CLYBL: variants seen among roughly 807,000 people sequenced by gnomAD.
The protein encoded by CLYBL is citramalyl-CoA lyase, also known as citramalyl-CoA lyase, mitochondrial.
In CLYBL, 31 loss-of-function variants were observed where a neutral mutation model predicts 38.9. That is an observed-to-expected ratio of 0.80 (90% CI 0.60 to 1.08). The LOEUF is 1.08. Ranked by LOEUF, CLYBL falls within the 50% of genes least tolerant of loss-of-function variation. The pLI, the probability that CLYBL is intolerant of heterozygous loss-of-function variation, is 0.00. For missense variants in CLYBL, 434 were observed against 411.6 expected (o/e 1.05, Z -0.47); for synonymous variants, 171 against 158.6 (o/e 1.08, Z -0.59).
At chr13:99,769,778 A>T (rs1401442311) in intron 1 of CLYBL, among the ~76,000 whole-genome samples, 2 of 152,226 alleles carry the variant, frequency 1.3e-5, no homozygotes, top group African/African-American at 4.8e-5. Context: ...AATAAGACCC[A>T]GACTCAAGTT....
At chr13:99,627,379 G>A (rs1018781337) in intron 1 of CLYBL, among the ~76,000 whole-genome samples, 1 of 151,930 alleles carries the variant, frequency 6.6e-6, no homozygotes, top group Non-Finnish European at 1.5e-5. Flanking sequence ...TCAGTTAGTG[G>A]GTGTTATATC....
intron 7 of CLYBL, among the ~76,000 whole-genome samples, chr13:99,880,028 CAT>C (rs1190337848): frequency 2.1e-5 from 3 of 141,292 alleles, no homozygotes; most frequent in East Asian, 4.1e-4. Flanking sequence ...ATATATAAAA[CAT>C]ATTCCATATA....
intron 1 of CLYBL, among the ~76,000 whole-genome samples, chr13:99,691,854 C>T (rs192420152): frequency 2.0e-5 from 3 of 152,256 alleles, no homozygotes; most frequent in Non-Finnish European, 4.4e-5. Context: ...CAAATAAATA[C>T]AGAAGGACCC....
chr13:99,863,820 C>A lies in CLYBL; in HGVS notation c.540+728C>A, dbSNP rs1203967544. Among the ~76,000 whole-genome samples, 3 of 152,236 alleles carry A rather than the reference C, an allele frequency of 2.0e-5. No homozygotes were observed. In the East Asian group the frequency reaches 5.8e-4, roughly 29 times the overall value. On this transcript the variant is annotated intron_variant, in intron 4 of 8. Transcript: ENST00000339105. ...CTTTCAGAGTTCCTAGATTCCCTTCCCCCACCCCAGCCCCCACAGAGGGCA... is the reference window on the plus strand; with the variant it reads ...CTTTCAGAGTTCCTAGATTCCCTTCACCCACCCCAGCCCCCACAGAGGGCA...
chr13:99,829,506 G>A (rs766201912), intron 2 of CLYBL, among the ~76,000 whole-genome samples: 24 of 152,124 alleles, frequency 1.6e-4, no homozygotes, highest in Admixed American at 1.1e-3. Context: ...TATTTTATGG[G>A]CAATGATGAG....
intron 2 of CLYBL, among the ~76,000 whole-genome samples, chr13:99,800,168 G>T (rs1016929805): frequency 6.6e-6 from 1 of 152,120 alleles, no homozygotes; most frequent in African/African-American, 2.4e-5. Flanking sequence ...CATGGTTTGG[G>T]TGTGGCTTCA....
chr13:99,790,352 T>C (rs1343799293), intron 2 of CLYBL, among the ~76,000 whole-genome samples: 3 of 152,212 alleles, frequency 2.0e-5, no homozygotes, highest in African/African-American at 7.2e-5. Context: ...TTCCTTTCCA[T>C]GTTTAGTGCT....
At chr13:99,614,041 C>T (rs1194846982) in intron 1 of CLYBL, among the ~76,000 whole-genome samples, 1 of 152,094 alleles carries the variant, frequency 6.6e-6, no homozygotes, top group Admixed American at 6.5e-5. Flanking sequence ...GATGGCCATT[C>T]ACCATAGAGG....
chr13:99,850,542 G>A (rs948828392), intron 2 of CLYBL, among the ~76,000 whole-genome samples: 17 of 152,334 alleles, frequency 1.1e-4, no homozygotes, highest in South Asian at 8.3e-4. Context: ...TGGTGAGGAT[G>A]TGGAGAAATA....
rs181314069 is a variant in CLYBL at position 99,608,222 on chromosome 13, G to A, written c.62+1465G>A. Reference sequence around the variant, plus strand: ...GAGTAGTTGGGATTACAGGGCGTCCGCCACCATGCCCGGCTAATTTTTGTA... The same window carrying A: ...GAGTAGTTGGGATTACAGGGCGTCCACCACCATGCCCGGCTAATTTTTGTA... On this transcript the variant is annotated intron_variant, in intron 1 of 8. Coordinates refer to ENST00000339105, the MANE Select transcript of CLYBL (RefSeq NM_206808.5). Among the ~76,000 whole-genome samples, 143 of 151,818 alleles carry A rather than the reference G, an allele frequency of 9.4e-4. 1 individual carries two copies. The highest frequency in any genetic ancestry group is 6.8e-3 in the Middle Eastern group (2 of 294).
Position 99,870,998 on chromosome 13 carries a change from C to G in CLYBL, c.863C>G (p.Pro288Arg), listed in dbSNP as rs759532223. 1 of 1,613,710 alleles carries G rather than the reference C, an allele frequency of 6.2e-7. No homozygotes were observed. The highest frequency in any genetic ancestry group is 8.5e-7 in the Non-Finnish European group (1 of 1,179,844). The change falls in exon 7 of 9, where the codon CCT becomes CGT. Residue 288 changes from proline to arginine, a missense_variant. By Grantham distance (103) the Pro-to-Arg change is moderately radical (BLOSUM62 -2). Coordinates refer to ENST00000339105, the MANE Select transcript of CLYBL (RefSeq NM_206808.5). ...AVVQEQFSPS[P>R]EKIKWAEELI... ...GTCCAGGAGCAGTTTTCTCCTTCCC[C>G]TGAAAAAATTAAGTGGGCTGAAGAA...
rs34063235 is a variant in CLYBL, at chr13:99,880,068, A to ATATTTTT, written c.927+9007_927+9008insATTTTTT. 3.4e-3 allele frequency among the ~76,000 whole-genome samples: 349 copies of ATATTTTT among 101,172 alleles called. 2 individuals are homozygous for ATATTTTT. Among genetic ancestry groups the ATATTTTT allele is most frequent in the African/African-American group, 6.4e-3 (158 of 24,664 alleles). 66.4% of individuals were successfully genotyped at this position (101,172 alleles called of 152,430 possible). On this transcript the variant is annotated intron_variant, in intron 7 of 8. Coordinates refer to ENST00000339105, the MANE Select transcript of CLYBL (RefSeq NM_206808.5). Reference sequence around the variant, plus strand: ...TGTGTATGTATATATATATATATATATTTTTTTTTTTTTTTTTGAGACAGA... The same window carrying ATATTTTT: ...TGTGTATGTATATATATATATATATATATTTTTTTTTTTTTTTTTTTTTTGAGACAGA...
At chr13:99,772,714 A>G in intron 1 of CLYBL, 110 bp from the exon 2 acceptor site, 1 of 944,696 alleles carries the variant, frequency 1.1e-6, no homozygotes, top group Non-Finnish European at 1.6e-6. Flanking sequence ...TAAAAATAAA[A>G]AAAGATTATC....
At chr13:99,828,583 C>G (rs1192272893) in intron 2 of CLYBL, among the ~76,000 whole-genome samples, 3 of 152,118 alleles carry the variant, frequency 2.0e-5, no homozygotes, top group Non-Finnish European at 4.4e-5. Context: ...TTTTAAAAAT[C>G]AGATGTTCTC....
At chr13:99,637,488 C>T (rs1021692567) in intron 1 of CLYBL, among the ~76,000 whole-genome samples, 21 of 152,074 alleles carry the variant, frequency 1.4e-4, no homozygotes, top group Non-Finnish European at 1.3e-4. Context: ...TAGCCGGGCA[C>T]GGTGGCTCAC....
chr13:99,797,950 G>C (rs373972195), intron 2 of CLYBL, among the ~76,000 whole-genome samples: 1 of 152,198 alleles, frequency 6.6e-6, no homozygotes, highest in Non-Finnish European at 1.5e-5. Context: ...GAACCCTACT[G>C]TTTTCTGTGT....
At chr13:99,749,858 T>G (rs1237456406) in intron 1 of CLYBL, among the ~76,000 whole-genome samples, 2 of 152,066 alleles carry the variant, frequency 1.3e-5, no homozygotes, top group East Asian at 3.9e-4. Context: ...CAAAAAAAAA[T>G]AGTTCTTCAA....
intron 2 of CLYBL, among the ~76,000 whole-genome samples, chr13:99,833,925 C>A (rs1172301178): frequency 6.6e-6 from 1 of 151,950 alleles, no homozygotes; most frequent in East Asian, 1.9e-4. Context: ...TGGTCTCGGT[C>A]TCCTGATATC....
At chr13:99,762,956 T>A (rs556920083) in intron 1 of CLYBL, among the ~76,000 whole-genome samples, 134 of 152,354 alleles carry the variant, frequency 8.8e-4, no homozygotes, top group African/African-American at 3.2e-3. Flanking sequence ...GCTTTCTTGA[T>A]ATCTTTTTCA....
Sources: allele counts gnomAD v4.1 joint callset (sites outside exome capture counted in the v4.1 genomes callset), GRCh38; gene constraint gnomAD v4.1.1; transcripts MANE v1.5; gene names NCBI Gene and HGNC (gene_info 2026-07-23, HGNC 2026-07-21).